EVPL: variants seen among roughly 807,000 people sequenced by gnomAD.
EVPL encodes 210 kDa cornified envelope precursor protein.
A neutral mutation model predicts 129.7 loss-of-function variants in EVPL; 94 were observed. The ratio of observed to expected loss-of-function variants is 0.72; its 90% CI spans 0.61 to 0.86. The LOEUF (loss-of-function observed/expected upper bound fraction) is 0.86, where lower values mean the gene tolerates loss of function less well. Ranked by LOEUF, EVPL falls within the 40% of genes least tolerant of loss-of-function variation. The pLI is 0.00. For missense variants in EVPL, 2,625 were observed against 2,721.1 expected (o/e 0.96, Z 0.79); for synonymous variants, 1,172 against 1,191.1 (o/e 0.98, Z 0.33).
Position 76,011,939 on chromosome 17 carries a change from G to A in EVPL, c.2458-57C>T, listed in dbSNP as rs141142157. 8.6e-5 allele frequency: 138 copies of A among 1,602,478 alleles called. 3 individuals carry two copies. In the African/African-American group the frequency reaches 1.5e-3, roughly 17 times the overall value. On this transcript the variant is annotated intron_variant, in intron 19 of 21. Transcript: ENST00000301607. ...AACCAGTGGGGGAGGCTGGGTGTGG[G>A]GGATAGGGCTGGAAGAGGGACAAGG...
chr17:76,022,538 T>TCTGGC lies in EVPL; in HGVS notation c.481-1_481insGCCAG (p.Lys161AlafsTer57). 2 of 1,604,280 alleles carry TCTGGC rather than the reference T, an allele frequency of 1.2e-6. No homozygotes were observed. The highest frequency in any genetic ancestry group is 1.7e-6 in the Non-Finnish European group (2 of 1,176,260). ...CCGTACTGGCCTGCGCAGACCTGCT[T>TCTGGC]CTGCAGGAGAGCCGGCGGCTCAGTC... On this transcript the variant is annotated frameshift_variant and splice_region_variant. Transcript: ENST00000301607. LOFTEE classifies it high-confidence loss of function. The surrounding 1 kb of genome is among the most constrained non-coding windows in gnomAD (Gnocchi z 5.6).
At chr17:76,015,416 C>A in intron 15 of EVPL, 34 bp downstream of exon 15, 1 of 1,605,472 alleles carries the variant, frequency 6.2e-7, no homozygotes. Flanking sequence ...CACGCTGCTG[C>A]CCTGCGTGGC....
intron 1 of EVPL, among the ~76,000 whole-genome samples, chr17:76,025,104 A>G (rs750285562): frequency 2.0e-5 from 3 of 152,170 alleles, no homozygotes; most frequent in Non-Finnish European, 4.4e-5. Flanking sequence ...AAGATGATGG[A>G]CTTGACCTTG....
chr17:76,008,236 G>T lies in EVPL; in HGVS notation c.4969C>A (p.Arg1657=), dbSNP rs762728282. 1.9e-6 allele frequency: 3 copies of T among 1,613,740 alleles called. No individual in the cohort carries two copies. The highest frequency in any genetic ancestry group is 2.7e-5 in the African/African-American group (2 of 75,050). ...REKDQIYEKE[R]TLRDLHAKVS... ...TTGGCGTGGAGGTCCCGGAGCGTCCGCTCCTTCTCGTAGATCTGGTCCTTC... is the reference window on the plus strand; with the variant it reads ...TTGGCGTGGAGGTCCCGGAGCGTCCTCTCCTTCTCGTAGATCTGGTCCTTC... The change falls in exon 22 of 22, where the codon CGG becomes AGG. Residue 1657 remains arginine (R), a synonymous_variant. Transcript: ENST00000301607. The surrounding 1 kb of genome is among the most constrained non-coding windows in gnomAD (Gnocchi z 7.4).
rs762480359 is a variant in EVPL at position 76,007,457 on chromosome 17, C to T, written c.5748G>A (p.Ser1916=). 1.2e-5 allele frequency: 19 copies of T among 1,608,952 alleles called. No homozygotes were observed. The highest frequency in any genetic ancestry group is 1.1e-4 in the African/African-American group (8 of 74,876). ...IEDPVTKKRL[S]VGEAVQKGWM... is the part of the protein sequence containing the mutation. ...AGCCCTTCTGGACGGCCTCGCCCAC[C>T]GAGAGCCTCTTCTTGGTGACGGGGT... The change falls in exon 22 of 22, where the codon TCG becomes TCA. Residue 1916 remains serine, a synonymous_variant. Transcript: ENST00000301607. The surrounding 1 kb of genome is among the most constrained non-coding windows in gnomAD (Gnocchi z 8.8).
At chr17:76,026,629 G>A (rs1019585495) in intron 1 of EVPL, among the ~76,000 whole-genome samples, 12 of 152,086 alleles carry the variant, frequency 7.9e-5, no homozygotes, top group Non-Finnish European at 1.0e-4. Flanking sequence ...ATCCCACCCC[G>A]TCCCCTCAGT....
chr17:76,022,547 G>A lies in EVPL; in HGVS notation c.481-9C>T. The A allele has an allele frequency of 6.3e-7, 1 of 1,597,916 alleles. No individual in the cohort carries two copies. Among genetic ancestry groups the A allele is most frequent in the Non-Finnish European group, 8.5e-7 (1 of 1,173,306 alleles). ...CCTGCGCAGACCTGCTTCTGCAGGAGAGCCGGCGGCTCAGTCCCCAAAGGA... is the reference window on the plus strand; with the variant it reads ...CCTGCGCAGACCTGCTTCTGCAGGAAAGCCGGCGGCTCAGTCCCCAAAGGA... On this transcript the variant is annotated splice_polypyrimidine_tract_variant and intron_variant, in intron 4 of 21. Coordinates refer to ENST00000301607, the MANE Select transcript of EVPL (RefSeq NM_001988.4). This position sits in a 1 kb window ranked among gnomAD's most constrained non-coding sequence, Gnocchi z 5.6.
Position 76,024,136 on chromosome 17 carries a change from G to A in EVPL, c.99-16C>T. ...GGTGGCAGCCCTAGTGTGTGGAGGGGACAGCGGGTAGCTCGGTGGAAGAGG... is the reference window on the plus strand; with the variant it reads ...GGTGGCAGCCCTAGTGTGTGGAGGGAACAGCGGGTAGCTCGGTGGAAGAGG... On this transcript the variant is annotated splice_polypyrimidine_tract_variant and intron_variant, in intron 1 of 21. Transcript: ENST00000301607. This position sits in a 1 kb window ranked among gnomAD's most constrained non-coding sequence, Gnocchi z 4.5. 1 of 1,611,526 alleles carries A rather than the reference G, an allele frequency of 6.2e-7. No homozygotes were observed. Among genetic ancestry groups the A allele is most frequent in the East Asian group, 2.2e-5 (1 of 44,784 alleles).
chr17:76,008,641 C>G lies in EVPL; in HGVS notation c.4564G>C (p.Glu1522Gln). The change falls in exon 22 of 22, where the codon GAA becomes CAA. Residue 1522 changes from glutamate to glutamine, a missense_variant. Coordinates refer to ENST00000301607, the MANE Select transcript of EVPL (RefSeq NM_001988.4). This position sits in a 1 kb window ranked among gnomAD's most constrained non-coding sequence, Gnocchi z 7.4. ...CGGTCCTTCTGCACCCGGATCACTT[C>G]CTTGTAGATGGTCTTCTCCTGCGAT... is the stretch of plus-strand genomic sequence containing the variant. ...AKSQEKTIYK[E>Q]VIRVQKDRVL... is the part of the protein sequence containing the mutation. 6.2e-7 allele frequency: 1 copy of G among 1,612,536 alleles called. No homozygotes were observed. Among genetic ancestry groups the G allele is most frequent in the East Asian group, 2.2e-5 (1 of 44,888 alleles).
rs561840655 is a variant in EVPL at position 76,018,198 on chromosome 17, C to T, written c.1500G>A (p.Lys500=). 2.6e-6 allele frequency: 4 copies of T among 1,551,030 alleles called. No individual in the cohort carries two copies. In the African/African-American group the frequency reaches 4.1e-5, roughly 16 times the overall value. The change falls in exon 13 of 22, where the codon AAG becomes AAA. Residue 500 remains lysine, a synonymous_variant. Transcript: ENST00000301607. ...QKLATVQSRL[K]ASAVESLRPS... ...GCCGAAGAGACTCCACAGCACTGGC[C>T]TTCAGGCGGCTCTGGACTGTGGCCA...
intron 3 of EVPL, 29 bp from the exon 4 acceptor site, chr17:76,023,447 G>A (rs1381227337): frequency 6.2e-7 from 1 of 1,612,886 alleles, no homozygotes; most frequent in Non-Finnish European, 8.5e-7. Context: ...GCAGGTCAGG[G>A]CTGGACCTGG....
rs1410415957 is a variant in EVPL at position 76,021,253 on chromosome 17, A to T, written c.1011+215T>A. 3.3e-5 allele frequency among the ~76,000 whole-genome samples: 5 copies of T among 152,036 alleles called. No homozygotes were observed. The East Asian group carries it at 9.8e-4, about 30-fold the overall frequency. Reference sequence around the variant, plus strand: ...GTATTTTTAGTAGAGACAGGGTTTCACCATGTTGGCCAGGCTGATCTCGAA... The same window carrying T: ...GTATTTTTAGTAGAGACAGGGTTTCTCCATGTTGGCCAGGCTGATCTCGAA... On this transcript the variant is annotated intron_variant, in intron 9 of 21. Transcript: ENST00000301607.
In EVPL at chr17:76,022,468, ATGT is replaced by A. The variant is rs768545291; in HGVS notation, c.548_550del (p.Asn183del). 41 of 1,613,520 alleles carry A rather than the reference ATGT, an allele frequency of 2.5e-5. No homozygotes were observed. The highest frequency in any genetic ancestry group is 3.1e-5 in the Non-Finnish European group (37 of 1,179,942). On this transcript the variant is annotated inframe_deletion, in exon 5 of 22. Transcript: ENST00000301607. The surrounding 1 kb of genome is among the most constrained non-coding windows in gnomAD (Gnocchi z 5.6). ...ATAGGCGTCGATCTCCTTCTGCAGG[ATGT>A]TGTGCTCGGCGATCTGTTGCTCCAG...
At chr17:76,011,509 G>A in intron 21 of EVPL, 67 bp downstream of exon 21, 2 of 1,378,684 alleles carry the variant, frequency 1.5e-6, no homozygotes, top group Non-Finnish European at 2.1e-6. Context: ...TGGCATTTTG[G>A]GAATGGAGTG....
At chr17:76,015,724 G>A in intron 14 of EVPL, 96 bp from the exon 15 acceptor site, 1 of 1,297,198 alleles carries the variant, frequency 7.7e-7, no homozygotes, top group East Asian at 2.5e-5. Context: ...AGGCAGTAGA[G>A]TGTGGTGGGT....
intron 17 of EVPL, 85 bp downstream of exon 17, chr17:76,014,831 T>C: frequency 7.3e-7 from 1 of 1,373,040 alleles, no homozygotes; most frequent in Non-Finnish European, 9.8e-7. Context: ...GTGAAGTCAC[T>C]AGCCCAGGAT....
chr17:76,023,392 G>T lies in EVPL; in HGVS notation c.380C>A (p.Thr127Asn), dbSNP rs754021736. 1.9e-5 allele frequency: 30 copies of T among 1,613,888 alleles called. No individual in the cohort carries two copies. In the Admixed American group the frequency reaches 2.7e-4, roughly 14 times the overall value. ...GGCACGGTACTCCGCACACTCCTGGGTCACCCGCTCGTGCAGCTGCTTGAT... is the reference window on the plus strand; with the variant it reads ...GGCACGGTACTCCGCACACTCCTGGTTCACCCGCTCGTGCAGCTGCTTGAT... ...KDIKQLHERV[T>N]QECAEYRALY... The change falls in exon 4 of 22, where the codon ACC becomes AAC. Residue 127 changes from threonine to asparagine, a missense_variant. By Grantham distance (65) the Thr-to-Asn change is moderately conservative. Around this residue, in one of 4 missense-constraint regions of EVPL, gnomAD observed 139 missense variants for 186.8 expected, o/e 0.74. Transcript: ENST00000301607.
intron 9 of EVPL, among the ~76,000 whole-genome samples, chr17:76,020,170 ATAAACCTAAACCAGC>A: frequency 6.6e-6 from 1 of 150,478 alleles, no homozygotes; most frequent in South Asian, 2.1e-4. Context: ...CTTAAACCAG[ATAAACCTAAACCAGC>A]TAAACTTAAA....
chr17:76,021,820 G>T, intron 7 of EVPL, 39 bp from the exon 8 acceptor site: 1 of 1,568,820 alleles, frequency 6.4e-7, no homozygotes, highest in Non-Finnish European at 8.6e-7. Flanking sequence ...GTGAGGACCC[G>T]GATGGCCCTG....
Sources: gnomAD v4.1 joint callset for allele counts (sites outside exome capture counted in the v4.1 genomes callset) on GRCh38, gnomAD v4.1.1 for gene constraint, gnomAD v4.1.1 regional missense constraint, Gnocchi (gnomAD v3.1) non-coding constraint, MANE v1.5 for transcripts, NCBI Gene and HGNC (gene_info 2026-07-23, HGNC 2026-07-21) for gene names.